Variants in PKIB observed in about 807,000 individuals in gnomAD.
The protein encoded by PKIB is PKI-beta.
PKIB carries 2 observed loss-of-function variants against 4.5 expected under a neutral mutation model. The observed-to-expected ratio is 0.44, with a 90% CI of 0.18 to 1.39. The LOEUF is 1.39. Among genes scored for constraint, PKIB ranks in the 40% most tolerant of loss-of-function variants. The probability of loss-of-function intolerance (pLI) is 0.27; values close to 1 mark genes in which losing one functional copy is unlikely to be tolerated. For synonymous variants in PKIB, 38 were observed against 36.0 expected, an observed-to-expected ratio of 1.06 and a Z score of -0.20; for missense variants, 94 against 92.6, an observed-to-expected ratio of 1.02 and a Z score of -0.06.
At chr6:122,513,149 C>G (rs1372393891) in intron 2 of PKIB, among the ~76,000 whole-genome samples, 1 of 152,190 alleles carries the variant, frequency 6.6e-6, no homozygotes, top group African/African-American at 2.4e-5. Flanking sequence ...TCATTCTTCC[C>G]TTCCCTGTAA....
intron 2 of PKIB, among the ~76,000 whole-genome samples, chr6:122,667,341 T>C (rs1018921900): frequency 6.6e-6 from 1 of 152,072 alleles, no homozygotes; most frequent in African/African-American, 2.4e-5. Flanking sequence ...ATCGAGACCA[T>C]CCTGGCTAAC....
chr6:122,553,481 C>CT (rs533553939), intron 2 of PKIB, among the ~76,000 whole-genome samples: 6,736 of 65,654 alleles, frequency 0.1, 1,026 homozygotes, highest in East Asian at 0.27. Flanking sequence ...CAAATATCTT[C>CT]TTTTTTTTTT....
intron 2 of PKIB, among the ~76,000 whole-genome samples, chr6:122,537,539 C>T (rs986329540): frequency 2.8e-4 from 42 of 152,254 alleles, no homozygotes; most frequent in African/African-American, 9.9e-4. Flanking sequence ...CATAGTATTC[C>T]ATGGTATATG....
At chr6:122,629,054 C>T (rs1273990248) in intron 1 of PKIB, among the ~76,000 whole-genome samples, 2 of 152,162 alleles carry the variant, frequency 1.3e-5, no homozygotes, top group African/African-American at 4.8e-5. Context: ...CAGTTGAGGG[C>T]CATCAACCAC....
chr6:122,569,475 G>T (rs965491134), intron 2 of PKIB, among the ~76,000 whole-genome samples: 3 of 152,166 alleles, frequency 2.0e-5, no homozygotes, highest in Non-Finnish European at 2.9e-5. Context: ...CTAACCAAAG[G>T]TTCTAAGTGG....
At chr6:122,486,221 T>G (rs563542186) in intron 2 of PKIB, among the ~76,000 whole-genome samples, 1 of 152,214 alleles carries the variant, frequency 6.6e-6, no homozygotes, top group Non-Finnish European at 1.5e-5. Context: ...TGAAAAAGTC[T>G]TGAGTCCAGT....
At chr6:122,665,048 T>C (rs1044018827) in intron 2 of PKIB, among the ~76,000 whole-genome samples, 1 of 152,188 alleles carries the variant, frequency 6.6e-6, no homozygotes, top group Non-Finnish European at 1.5e-5. Flanking sequence ...AGTGAACTTA[T>C]ATAAATGCTT....
At chr6:122,648,943 C>T (rs999774410) in intron 2 of PKIB, among the ~76,000 whole-genome samples, 6 of 152,164 alleles carry the variant, frequency 3.9e-5, no homozygotes, top group Non-Finnish European at 7.3e-5. Flanking sequence ...CACGCATAAC[C>T]TTCATGCCTC....
intron 2 of PKIB, among the ~76,000 whole-genome samples, chr6:122,642,699 C>T (rs1483347604): frequency 2.6e-5 from 4 of 152,134 alleles, no homozygotes; most frequent in Admixed American, 2.0e-4. Flanking sequence ...TCTTGATTTC[C>T]GGCTAGTTAA....
At chr6:122,552,595 C>T (rs925817161) in intron 2 of PKIB, among the ~76,000 whole-genome samples, 4 of 152,112 alleles carry the variant, frequency 2.6e-5, no homozygotes, top group African/African-American at 9.7e-5. Flanking sequence ...CCAGGCTCGT[C>T]TCAAACTCCA....
chr6:122,571,395 T>G (rs530836057), intron 2 of PKIB, among the ~76,000 whole-genome samples: 1 of 151,942 alleles, frequency 6.6e-6, no homozygotes, highest in East Asian at 1.9e-4. Flanking sequence ...ACAAGAAGCT[T>G]AGATTCCTGG....
intron 2 of PKIB, among the ~76,000 whole-genome samples, chr6:122,549,173 G>A (rs1306504068): frequency 1.3e-5 from 2 of 152,146 alleles, no homozygotes; most frequent in Non-Finnish European, 2.9e-5. Flanking sequence ...TCTGTAAAAT[G>A]AGTCTAATAC....
chr6:122,512,121 G>A (rs1776606409), intron 2 of PKIB, among the ~76,000 whole-genome samples: 1 of 151,916 alleles, frequency 6.6e-6, no homozygotes, highest in African/African-American at 2.4e-5. Flanking sequence ...AAATTATAGT[G>A]GTATCCTAAC....
At chr6:122,660,367 A>G (rs181438990) in intron 2 of PKIB, among the ~76,000 whole-genome samples, 7 of 152,210 alleles carry the variant, frequency 4.6e-5, no homozygotes, top group African/African-American at 1.7e-4. Context: ...GGCATGTAGG[A>G]TTTCAGCTAT....
intron 2 of PKIB, among the ~76,000 whole-genome samples, chr6:122,527,563 T>G (rs947741720): frequency 3.9e-5 from 6 of 152,138 alleles, no homozygotes; most frequent in Admixed American, 3.9e-4. Context: ...GATAAGGGAT[T>G]AACTGGTCAG....
chr6:122,637,348 G>T (rs1582763034), intron 2 of PKIB, among the ~76,000 whole-genome samples: 1 of 152,038 alleles, frequency 6.6e-6, no homozygotes, highest in Non-Finnish European at 1.5e-5. Context: ...CTGTTTGATG[G>T]CTTAGTAAAG....
rs574307759 is a variant in PKIB, at chr6:122,540,095, C to T, written c.-247-45826C>T. ...TTTTATTCTTTATTAGTCTTGCTAGCGATCTATTGATTTTGTTGATCTTTT... is the reference window on the plus strand; with the variant it reads ...TTTTATTCTTTATTAGTCTTGCTAGTGATCTATTGATTTTGTTGATCTTTT... On this transcript the variant is annotated intron_variant, in intron 2 of 6. Transcript: ENST00000392491. Among the ~76,000 whole-genome samples the T allele has an allele frequency of 2.8e-3, 419 of 151,962 alleles. 5 individuals are homozygous for T. Among genetic ancestry groups the T allele is most frequent in the African/African-American group, 9.6e-3 (396 of 41,382 alleles).
chr6:122,519,421 G>C (rs1480062904), intron 2 of PKIB, among the ~76,000 whole-genome samples: 1 of 152,044 alleles, frequency 6.6e-6, no homozygotes, highest in African/African-American at 2.4e-5. Context: ...TAAATGTAAT[G>C]CACTTGCATC....
Position 122,553,675 on chromosome 6 carries a change from A to G in PKIB, c.-247-32246A>G, listed in dbSNP as rs560901536. ...GCTGACCTTTTGTTATATATTAAGA[A>G]CTCAGTAAAATTGTGAAATAAGTGA... On this transcript the variant is annotated intron_variant, in intron 2 of 6. Coordinates refer to the PKIB transcript ENST00000392491. 6.6e-5 allele frequency among the ~76,000 whole-genome samples: 10 copies of G among 151,382 alleles called. No individual in the cohort carries two copies. The Middle Eastern group carries it at 0.01, about 158-fold the overall frequency.
Sources: allele counts gnomAD v4.1 joint callset (sites outside exome capture counted in the v4.1 genomes callset), GRCh38; gene constraint gnomAD v4.1.1; transcripts MANE v1.5; gene names NCBI Gene and HGNC (gene_info 2026-07-23, HGNC 2026-07-21).